SLC9A9: variants seen among roughly 807,000 people sequenced by gnomAD.
The protein encoded by SLC9A9 is solute carrier family 9 member A9.
A neutral mutation model predicts 77.8 loss-of-function variants in SLC9A9; 62 were observed. That is an observed-to-expected ratio of 0.80 (90% CI 0.65 to 0.98). The LOEUF is 0.98. Ranked by LOEUF, SLC9A9 falls within the 50% of genes least tolerant of loss-of-function variation. The probability of loss-of-function intolerance (pLI) is 0.00; values close to 1 mark genes in which losing one functional copy is unlikely to be tolerated. For synonymous variants in SLC9A9, 320 were observed against 283.5 expected, an observed-to-expected ratio of 1.13 and a Z score of -1.29; for missense variants, 775 against 774.9, an observed-to-expected ratio of 1.00 and a Z score of 0.00.
intron 5 of SLC9A9, among the ~76,000 whole-genome samples, chr3:143,663,515 C>T (rs1291875963): frequency 1.3e-5 from 2 of 152,188 alleles, no homozygotes; most frequent in Non-Finnish European, 2.9e-5. Context: ...TAACAAATTT[C>T]TCTGAGCTAA....
intron 12 of SLC9A9, among the ~76,000 whole-genome samples, chr3:143,408,948 A>G (rs6765286): frequency 0.055 from 8,397 of 152,318 alleles, 326 homozygotes; most frequent in African/African-American, 0.11. Context: ...TAAAAATAAA[A>G]GGAAAAGGAA....
chr3:143,297,740 G>T (rs1208940063), intron 14 of SLC9A9, among the ~76,000 whole-genome samples: 3 of 152,122 alleles, frequency 2.0e-5, no homozygotes, highest in Non-Finnish European at 4.4e-5. Context: ...TTATGCCTAA[G>T]TATTTTTTGA....
chr3:143,376,486 C>T (rs2033183089), intron 13 of SLC9A9, among the ~76,000 whole-genome samples: 1 of 152,120 alleles, frequency 6.6e-6, no homozygotes, highest in South Asian at 2.1e-4. Context: ...CTTGATTGGT[C>T]AAGGTAAAGA....
chr3:143,466,542 A>G (rs2035283563), intron 12 of SLC9A9, among the ~76,000 whole-genome samples: 1 of 152,174 alleles, frequency 6.6e-6, no homozygotes, highest in Admixed American at 6.5e-5. Context: ...TGTCTATAGC[A>G]TCCCTCTGGC....
At chr3:143,816,348 T>C (rs1372208668) in intron 2 of SLC9A9, among the ~76,000 whole-genome samples, 7 of 152,194 alleles carry the variant, frequency 4.6e-5, no homozygotes, top group Non-Finnish European at 1.0e-4. Context: ...GGACCCCAGG[T>C]GCATACCACC....
At chr3:143,776,003 T>A (rs1412023201) in intron 4 of SLC9A9, among the ~76,000 whole-genome samples, 1 of 152,224 alleles carries the variant, frequency 6.6e-6, no homozygotes, top group African/African-American at 2.4e-5. Flanking sequence ...ATTTGTTCTG[T>A]GCTATGAATC....
At chr3:143,648,269 T>G (rs1333260835) in intron 6 of SLC9A9, among the ~76,000 whole-genome samples, 3 of 152,202 alleles carry the variant, frequency 2.0e-5, no homozygotes, top group Non-Finnish European at 4.4e-5. Flanking sequence ...CCCCAGACTT[T>G]TCGGCACCAG....
rs2006890921 is a variant in SLC9A9, at chr3:143,755,452, G to A, written c.533+39549C>T. ...TCACATCCAAGGACACAGAGAAAGA[G>A]GGGGTGCCTAAATCTACAAGCAACC... On this transcript the variant is annotated intron_variant, in intron 4 of 15. Transcript: ENST00000316549. Among the ~76,000 whole-genome samples the A allele has an allele frequency of 2.6e-5, 4 of 152,176 alleles. No individual in the cohort carries two copies. In the South Asian group the frequency reaches 8.3e-4, roughly 31 times the overall value.
intron 11 of SLC9A9, among the ~76,000 whole-genome samples, chr3:143,469,714 C>T (rs838622): frequency 0.23 from 34,593 of 152,042 alleles, 5,127 homozygotes; most frequent in Non-Finnish European, 0.34. Context: ...ATATGTTTTG[C>T]CTGAAACAAG....
At chr3:143,492,709 T>C (rs1449295248) in intron 11 of SLC9A9, among the ~76,000 whole-genome samples, 1 of 152,220 alleles carries the variant, frequency 6.6e-6, no homozygotes, top group Non-Finnish European at 1.5e-5. Context: ...CAGGATTAAT[T>C]AAAAAATAGT....
chr3:143,751,759 CG>C (rs1349192922), intron 4 of SLC9A9, among the ~76,000 whole-genome samples: 3 of 152,144 alleles, frequency 2.0e-5, no homozygotes, highest in Non-Finnish European at 4.4e-5. Context: ...TACTCAAGAT[CG>C]GGCAGACATG....
chr3:143,464,700 G>A (rs115599304), intron 12 of SLC9A9, among the ~76,000 whole-genome samples: 4,616 of 152,284 alleles, frequency 0.03, 75 homozygotes, highest in Non-Finnish European at 0.037. Flanking sequence ...TTTCCTGGAT[G>A]TGGTAGAAAT....
chr3:143,557,685 T>C (rs1019618707), intron 8 of SLC9A9, among the ~76,000 whole-genome samples: 2 of 152,202 alleles, frequency 1.3e-5, no homozygotes, highest in Non-Finnish European at 2.9e-5. Flanking sequence ...CTTGCTATGC[T>C]TTAGCAAAGA....
At chr3:143,818,923 A>T (rs1419432793) in intron 2 of SLC9A9, among the ~76,000 whole-genome samples, 1 of 152,036 alleles carries the variant, frequency 6.6e-6, no homozygotes, top group Non-Finnish European at 1.5e-5. Flanking sequence ...CTCTACTAAA[A>T]ATACAAAAAA....
Position 143,425,517 on chromosome 3 carries a change from C to T in SLC9A9, c.1469+41520G>A, listed in dbSNP as rs534091236. On this transcript the variant is annotated intron_variant, in intron 12 of 15. Coordinates refer to ENST00000316549, the MANE Select transcript of SLC9A9 (RefSeq NM_173653.4). ...GTACTGGCTGGAATGGAAATATAGA[C>T]AGCACTTTGATGTGGACTCTTTACA... 3.2e-3 allele frequency among the ~76,000 whole-genome samples: 490 copies of T among 152,228 alleles called. 3 individuals are homozygous for T. The highest frequency in any genetic ancestry group is 0.011 in the African/African-American group (476 of 41,550).
intron 14 of SLC9A9, among the ~76,000 whole-genome samples, chr3:143,297,825 C>T (rs2030346784): frequency 6.6e-6 from 1 of 152,052 alleles, no homozygotes; most frequent in South Asian, 2.1e-4. Context: ...TTTTTATATC[C>T]TGTAACTTTA....
intron 4 of SLC9A9, among the ~76,000 whole-genome samples, chr3:143,756,297 C>G (rs1448859400): frequency 6.6e-6 from 1 of 152,174 alleles, no homozygotes; most frequent in Non-Finnish European, 1.5e-5. Flanking sequence ...AGTAACTAGG[C>G]TTTATAAATC....
At chr3:143,814,165 T>C (rs1184630217) in intron 2 of SLC9A9, among the ~76,000 whole-genome samples, 1 of 152,154 alleles carries the variant, frequency 6.6e-6, no homozygotes, top group Non-Finnish European at 1.5e-5. Flanking sequence ...TGAGAGAATA[T>C]GGCTGAGGAG....
intron 12 of SLC9A9, among the ~76,000 whole-genome samples, chr3:143,439,192 AT>A (rs1285181751): frequency 1.3e-5 from 2 of 152,158 alleles, no homozygotes; most frequent in African/African-American, 4.8e-5. Flanking sequence ...AACTCTGTTA[AT>A]CCTCCTCAGT....
Sources: allele counts gnomAD v4.1 joint callset (sites outside exome capture counted in the v4.1 genomes callset), GRCh38; gene constraint gnomAD v4.1.1; transcripts MANE v1.5; gene names NCBI Gene and HGNC (gene_info 2026-07-23, HGNC 2026-07-21).